The following SOCS6 variants were observed in gnomAD, a reference collection of about 807,000 sequenced individuals.
SOCS6 encodes suppressor of cytokine signaling 6.
A neutral mutation model predicts 27.7 loss-of-function variants in SOCS6; 5 were observed. That is an observed-to-expected ratio of 0.18 (90% CI 0.09 to 0.38). The LOEUF is 0.38. Among genes scored for constraint, SOCS6 ranks in the 10% least tolerant of loss-of-function variants. The probability of loss-of-function intolerance (pLI) is 1.00; values close to 1 mark genes in which losing one functional copy is unlikely to be tolerated. For synonymous variants in SOCS6, 271 were observed against 260.0 expected (o/e 1.04, Z -0.41); for missense variants, 595 against 688.1 (o/e 0.86, Z 1.51).
rs988815859 is a variant in SOCS6 at position 70,297,762 on chromosome 18, A to G, written c.-127+8672A>G. On this transcript the variant is annotated intron_variant, in intron 1 of 1. Transcript: ENST00000397942. ...CTTTCCAAGATTCCCTTCAGCGCTAATGATCAATGAATGAAGTTTATGTTG... is the reference window on the plus strand; with the variant it reads ...CTTTCCAAGATTCCCTTCAGCGCTAGTGATCAATGAATGAAGTTTATGTTG... Among the ~76,000 whole-genome samples, 3 of 152,338 alleles carry G rather than the reference A, an allele frequency of 2.0e-5. No homozygotes were observed. The South Asian group carries it at 6.2e-4, about 32-fold the overall frequency.
intron 1 of SOCS6, among the ~76,000 whole-genome samples, chr18:70,295,519 A>G (rs1237576684): frequency 2.0e-5 from 3 of 152,186 alleles, no homozygotes; most frequent in Admixed American, 2.0e-4. Flanking sequence ...TTTAAAGCTT[A>G]ATTTTGGTTT....
At chr18:70,315,088 C>T (rs929865960) in intron 1 of SOCS6, among the ~76,000 whole-genome samples, 4 of 152,058 alleles carry the variant, frequency 2.6e-5, no homozygotes, top group Non-Finnish European at 4.4e-5. Context: ...TTCTCCCTAC[C>T]ACTCCCAATG....
At chr18:70,317,651 C>T (rs550309963) in intron 1 of SOCS6, among the ~76,000 whole-genome samples, 7 of 151,748 alleles carry the variant, frequency 4.6e-5, no homozygotes, top group Non-Finnish European at 7.4e-5. Context: ...AGTTGTGAAT[C>T]GTGCTGCTAT....
Position 70,325,020 on chromosome 18 carries a change from G to T in SOCS6, c.352G>T (p.Ala118Ser). 6.2e-7 allele frequency: 1 copy of T among 1,614,186 alleles called. No homozygotes were observed. The highest frequency in any genetic ancestry group is 1.1e-5 in the South Asian group (1 of 91,080). ...SAPIVFKDVR[A>S]QRPIRSTSLR... Reference sequence around the variant, plus strand: ...ACCCATAGTCTTTAAAGACGTGAGAGCTCAGAGGCCGATAAGGTCCACGTC... The same window carrying T: ...ACCCATAGTCTTTAAAGACGTGAGATCTCAGAGGCCGATAAGGTCCACGTC... Residue 118 changes from alanine (A) to serine (S), a missense_variant, in exon 2 of 2, where the codon GCT becomes TCT. Physicochemically the swap from Ala to Ser is moderately conservative, Grantham distance 99. Coordinates refer to ENST00000397942, the MANE Select transcript of SOCS6 (RefSeq NM_004232.4). The surrounding 1 kb of genome is among the most constrained non-coding windows in gnomAD (Gnocchi z 6.3).
chr18:70,324,518 C>T (rs1361413203), intron 1 of SOCS6, 25 bp from the exon 2 acceptor site: 1 of 574,294 alleles, frequency 1.7e-6, no homozygotes, highest in East Asian at 3.1e-5. Flanking sequence ...TTTAATATGA[C>T]TCTTTTTATA....
chr18:70,319,630 AAAT>A (rs1470640020), intron 1 of SOCS6, among the ~76,000 whole-genome samples: 1 of 136,638 alleles, frequency 7.3e-6, no homozygotes, highest in South Asian at 2.4e-4. Flanking sequence ...AAAAAAAAAA[AAAT>A]TGGTTATACT....
At chr18:70,317,845 C>T (rs968138504) in intron 1 of SOCS6, among the ~76,000 whole-genome samples, 7 of 152,044 alleles carry the variant, frequency 4.6e-5, no homozygotes, top group Admixed American at 4.6e-4. Flanking sequence ...ACACCAACAT[C>T]GTTTTGTTTG....
At chr18:70,322,396 A>G (rs1454918936) in intron 1 of SOCS6, among the ~76,000 whole-genome samples, 4 of 152,190 alleles carry the variant, frequency 2.6e-5, no homozygotes, top group African/African-American at 4.8e-5. Flanking sequence ...TTTCTTTAAT[A>G]TTAGTATTGA....
rs748359590 is a variant in SOCS6, at chr18:70,325,573, C to T, written c.905C>T (p.Ala302Val). The part of the protein sequence containing the change: ...TTGVMLQSPR[A>V]GHDDVPPLSP... ...GGAGTCATGTTGCAGAGCCCGAGAG[C>T]GGGTCACGATGATGTCCCTCCACTC... is the stretch of plus-strand genomic sequence containing the variant. Residue 302 changes from alanine (A) to valine (V), a missense_variant, in exon 2 of 2, where the codon GCG becomes GTG. This residue lies in a region of SOCS6 where 467 missense variants were observed against 481.1 expected (regional missense o/e 0.97). Transcript: ENST00000397942. The surrounding 1 kb of genome is among the most constrained non-coding windows in gnomAD (Gnocchi z 6.3). 55 of 1,613,966 alleles carry T rather than the reference C, an allele frequency of 3.4e-5. No individual in the cohort carries two copies. Among genetic ancestry groups the T allele is most frequent in the Admixed American group, 1.7e-4 (10 of 60,006 alleles).
At chr18:70,320,322 A>T (rs185378880) in intron 1 of SOCS6, among the ~76,000 whole-genome samples, 31 of 152,314 alleles carry the variant, frequency 2.0e-4, no homozygotes, top group Admixed American at 9.2e-4. Context: ...TTATGGTTTT[A>T]GATTTTACAG....
At chr18:70,306,870 C>A (rs1433694060) in intron 1 of SOCS6, among the ~76,000 whole-genome samples, 1 of 152,144 alleles carries the variant, frequency 6.6e-6, no homozygotes, top group Non-Finnish European at 1.5e-5. Context: ...TGTAGTGCAT[C>A]AATTGGTTAT....
rs781081081 is a variant in SOCS6 at position 70,325,014 on chromosome 18, G to A, written c.346G>A (p.Val116Met). The A allele has an allele frequency of 8.7e-6, 14 of 1,614,174 alleles. No homozygotes were observed. Among genetic ancestry groups the A allele is most frequent in the African/African-American group, 1.3e-5 (1 of 75,046 alleles). ...SSSAPIVFKD[V>M]RAQRPIRSTS... ...CTCAGCACCCATAGTCTTTAAAGAC[G>A]TGAGAGCTCAGAGGCCGATAAGGTC... Residue 116 changes from valine to methionine, a missense_variant, in exon 2 of 2, where the codon GTG becomes ATG. Val to Met is a conservative substitution (Grantham distance 21, BLOSUM62 1). Transcript: ENST00000397942. This position sits in a 1 kb window ranked among gnomAD's most constrained non-coding sequence, Gnocchi z 6.3.
Position 70,326,190 on chromosome 18 carries a change from A to T in SOCS6, c.1522A>T (p.Ile508Leu). 6.2e-7 allele frequency: 1 copy of T among 1,614,174 alleles called. No individual in the cohort carries two copies. The highest frequency in any genetic ancestry group is 8.5e-7 in the Non-Finnish European group (1 of 1,179,978). Residue 508 changes from isoleucine to leucine, a missense_variant, in exon 2 of 2, where the codon ATA becomes TTA. By Grantham distance (5) the Ile-to-Leu change is conservative (BLOSUM62 2). Transcript: ENST00000397942. Reference sequence around the variant, plus strand: ...GTTGCAGTACCTGTGTCGTTTTGTTATACGTCAGTATACCAGAATAGACTT... The same window carrying T: ...GTTGCAGTACCTGTGTCGTTTTGTTTTACGTCAGTATACCAGAATAGACTT... The part of the protein sequence containing the change: ...RSLQYLCRFV[I>L]RQYTRIDLIQ...
At position 70,324,969 on chromosome 18, in the gene SOCS6, G is replaced by A. The variant is rs1301663863; in HGVS notation, c.301G>A (p.Glu101Lys). Residue 101 changes from glutamate to lysine, a missense_variant, in exon 2 of 2, where the codon GAG becomes AAG. By Grantham distance (56) the Glu-to-Lys change is moderately conservative (BLOSUM62 1). Around this residue, in one of 2 missense-constraint regions of SOCS6, gnomAD observed 467 missense variants for 481.1 expected, o/e 0.97. Transcript: ENST00000397942. ...AGTPSGSSADEDTFSSSSAPI... is the reference protein window; with the variant it reads ...AGTPSGSSADKDTFSSSSAPI... Reference sequence around the variant, plus strand: ...CACACCCTCTGGGAGCTCTGCCGACGAGGACACCTTCTCCTCCTCCTCAGC... The same window carrying A: ...CACACCCTCTGGGAGCTCTGCCGACAAGGACACCTTCTCCTCCTCCTCAGC... The A allele has an allele frequency of 5.6e-6, 9 of 1,614,160 alleles. No homozygotes were observed. Among genetic ancestry groups the A allele is most frequent in the Middle Eastern group, 1.6e-4 (1 of 6,062 alleles).
rs749146671 is a variant in SOCS6, at chr18:70,326,044, A to T, written c.1376A>T (p.Glu459Val). The change falls in exon 2 of 2, where the codon GAG becomes GTG. Residue 459 changes from glutamate to valine, a missense_variant. By Grantham distance (121) the Glu-to-Val change is moderately radical. Transcript: ENST00000397942. ...EGHTSIVDLI[E>V]HSIRDSENGA... is the part of the protein sequence containing the mutation. Reference sequence around the variant, plus strand: ...CATACGTCCATAGTTGATCTAATTGAGCATTCAATCAGGGACTCTGAAAAT... The same window carrying T: ...CATACGTCCATAGTTGATCTAATTGTGCATTCAATCAGGGACTCTGAAAAT... 1.2e-5 allele frequency: 20 copies of T among 1,614,112 alleles called. No individual in the cohort carries two copies. Among genetic ancestry groups the T allele is most frequent in the Non-Finnish European group, 1.2e-5 (14 of 1,180,026 alleles).
At chr18:70,292,491 T>G (rs1217273229) in intron 1 of SOCS6, among the ~76,000 whole-genome samples, 1 of 152,188 alleles carries the variant, frequency 6.6e-6, no homozygotes, top group Non-Finnish European at 1.5e-5. Flanking sequence ...GGACCACAAG[T>G]GCATGCCACC....
intron 1 of SOCS6, among the ~76,000 whole-genome samples, chr18:70,302,321 T>G (rs1382201235): frequency 6.7e-6 from 1 of 150,192 alleles, no homozygotes; most frequent in South Asian, 2.1e-4. Context: ...AATGAGGGAG[T>G]GTTCCAGGGG....
intron 1 of SOCS6, among the ~76,000 whole-genome samples, chr18:70,304,142 T>C (rs1227209015): frequency 1.3e-5 from 2 of 152,108 alleles, no homozygotes; most frequent in African/African-American, 4.8e-5. Flanking sequence ...AAAGGTAAAC[T>C]GATAAATTTG....
intron 1 of SOCS6, among the ~76,000 whole-genome samples, chr18:70,295,323 T>C (rs1328580891): frequency 6.6e-6 from 1 of 152,236 alleles, no homozygotes; most frequent in African/African-American, 2.4e-5. Flanking sequence ...GTGCTGTTTA[T>C]GGTGGCACTT....
Sources: allele counts gnomAD v4.1 joint callset (sites outside exome capture counted in the v4.1 genomes callset), GRCh38; gene constraint gnomAD v4.1.1; regional missense constraint gnomAD v4.1.1; non-coding constraint Gnocchi (gnomAD v3.1); transcripts MANE v1.5; gene names NCBI Gene and HGNC (gene_info 2026-07-23, HGNC 2026-07-21).